Variants in ZNF385D observed in about 807,000 individuals in gnomAD.
The protein encoded by ZNF385D is zinc finger protein 385D, also known as zinc finger protein 659.
A neutral mutation model predicts 35.8 loss-of-function variants in ZNF385D; 15 were observed. The ratio of observed to expected loss-of-function variants is 0.42; its 90% CI spans 0.28 to 0.64. The LOEUF (loss-of-function observed/expected upper bound fraction) is 0.64, where lower values mean the gene tolerates loss of function less well. ZNF385D is among the 30% of genes least tolerant of loss of function. The pLI is 0.23. For synonymous variants in ZNF385D, 212 were observed against 186.8 expected, an observed-to-expected ratio of 1.13 and a Z score of -1.10; for missense variants, 474 against 494.6, an observed-to-expected ratio of 0.96 and a Z score of 0.39.
intron 3 of ZNF385D, among the ~76,000 whole-genome samples, chr3:22,030,256 C>CATATATATATATATATATATAT (rs71044967): frequency 9.2e-5 from 2 of 21,738 alleles, no homozygotes; most frequent in African/African-American, 1.6e-4. Context: ...TAAACTCATT[C>CATATATATATATATATATATAT]ATATATATAT....
At chr3:22,040,478 A>C (rs1215425692) in intron 3 of ZNF385D, among the ~76,000 whole-genome samples, 1 of 152,154 alleles carries the variant, frequency 6.6e-6, no homozygotes, top group Non-Finnish European at 1.5e-5. Flanking sequence ...TACAGTCCTG[A>C]TGGGTGATAG....
chr3:21,711,378 T>C (rs907400950), intron 1 of ZNF385D, among the ~76,000 whole-genome samples: 17 of 152,156 alleles, frequency 1.1e-4, no homozygotes, highest in African/African-American at 3.6e-4. Context: ...GTAATCTTTT[T>C]CCCCTAAATT....
At chr3:21,740,199 A>T (rs2069443819) in intron 1 of ZNF385D, among the ~76,000 whole-genome samples, 2 of 152,202 alleles carry the variant, frequency 1.3e-5, no homozygotes, top group Non-Finnish European at 2.9e-5. Context: ...AATAGAAATA[A>T]GTATACTAAG....
At chr3:22,212,167 G>C (rs1184716482) in intron 2 of ZNF385D, among the ~76,000 whole-genome samples, 1 of 151,936 alleles carries the variant, frequency 6.6e-6, no homozygotes, top group Non-Finnish European at 1.5e-5. Flanking sequence ...ATTCCCAGAA[G>C]AGTGCAAAGG....
At chr3:21,865,531 T>C (rs938084908) in intron 3 of ZNF385D, among the ~76,000 whole-genome samples, 3 of 152,160 alleles carry the variant, frequency 2.0e-5, no homozygotes, top group Admixed American at 2.0e-4. Flanking sequence ...AGATCTTCCT[T>C]AACTATATTG....
At chr3:22,301,628 GA>G (rs1171940094) in intron 2 of ZNF385D, among the ~76,000 whole-genome samples, 2 of 151,888 alleles carry the variant, frequency 1.3e-5, no homozygotes, top group African/African-American at 2.4e-5. Flanking sequence ...AAACGGTAAA[GA>G]AAAAAGTCTA....
intron 2 of ZNF385D, among the ~76,000 whole-genome samples, chr3:22,204,341 G>T (rs1171729576): frequency 1.3e-5 from 2 of 152,000 alleles, no homozygotes; most frequent in Non-Finnish European, 2.9e-5. Flanking sequence ...GAACTTGTAT[G>T]ATAAAAGACA....
rs566864945 is a variant in ZNF385D, at chr3:22,263,785, G to T, written c.107-94750C>A. Among the ~76,000 whole-genome samples the T allele has an allele frequency of 2.6e-5, 4 of 152,054 alleles. No individual in the cohort carries two copies. The East Asian group carries it at 7.8e-4, about 30-fold the overall frequency. ...GTAATGTTTGGATACATTTTTTATT[G>T]TGACAACTGAGGGAGGGGTGCTCCT... On this transcript the variant is annotated intron_variant, in intron 2 of 5. Transcript: ENST00000494108.
intron 3 of ZNF385D, among the ~76,000 whole-genome samples, chr3:21,942,377 A>G (rs1701564787): frequency 6.6e-6 from 1 of 152,214 alleles, no homozygotes; most frequent in Non-Finnish European, 1.5e-5. Flanking sequence ...CTAGTGAGTC[A>G]TCCTTCCTTA....
chr3:21,959,623 A>G (rs1842308), intron 3 of ZNF385D, among the ~76,000 whole-genome samples: 103,953 of 152,064 alleles, frequency 0.68, 36,700 homozygotes, highest in Non-Finnish European at 0.77. Context: ...CAAGGAGCCT[A>G]GTCACCATGG....
At chr3:22,328,942 T>C (rs1694803683) in intron 2 of ZNF385D, among the ~76,000 whole-genome samples, 1 of 151,758 alleles carries the variant, frequency 6.6e-6, no homozygotes, top group East Asian at 1.9e-4. Context: ...CTGGGCGTGG[T>C]AGCGGGCGCC....
chr3:21,785,363 T>C (rs1469669891), intron 3 of ZNF385D, among the ~76,000 whole-genome samples: 1 of 152,180 alleles, frequency 6.6e-6, no homozygotes, highest in East Asian at 1.9e-4. Flanking sequence ...TTTCCTACAG[T>C]TACCATCATT....
chr3:21,872,795 T>C (rs1042397049), intron 3 of ZNF385D, among the ~76,000 whole-genome samples: 3 of 152,154 alleles, frequency 2.0e-5, no homozygotes, highest in Non-Finnish European at 2.9e-5. Context: ...CAATGCTGTT[T>C]TGATAACACA....
intron 3 of ZNF385D, among the ~76,000 whole-genome samples, chr3:21,768,754 A>G (rs2070944461): frequency 6.6e-6 from 1 of 151,988 alleles, no homozygotes; most frequent in Non-Finnish European, 1.5e-5. Flanking sequence ...ACTTCCCTCC[A>G]TTGTTACGAA....
chr3:22,083,132 C>A (rs1279187394), intron 3 of ZNF385D, among the ~76,000 whole-genome samples: 3 of 152,144 alleles, frequency 2.0e-5, no homozygotes, highest in Non-Finnish European at 4.4e-5. Flanking sequence ...GAAACCAGAG[C>A]AGAAAATCTG....
At chr3:21,913,900 GT>G (rs1700077987) in intron 3 of ZNF385D, among the ~76,000 whole-genome samples, 1 of 152,156 alleles carries the variant, frequency 6.6e-6, no homozygotes, top group African/African-American at 2.4e-5. Context: ...TTGTTGGTTG[GT>G]TATTTTTGTT....
At chr3:21,563,459 A>C (rs917557943) in intron 3 of ZNF385D, 2 of 152,200 alleles carry the variant, frequency 1.3e-5, no homozygotes, top group Non-Finnish European at 2.9e-5. Flanking sequence ...TGATGATTGC[A>C]TTAGTAAGTA....
rs1484917960 is a variant in ZNF385D at position 21,960,820 on chromosome 3, T to G, written c.325+207997A>C. 2.1e-4 allele frequency among the ~76,000 whole-genome samples: 32 copies of G among 152,190 alleles called. 1 individual carries two copies. The stretch of plus-strand genomic sequence containing the variant: ...AGGATATCATATTAAGTGAAATAAG[T>G]CAGGCACAGAAATAAATACTGTATG... On this transcript the variant is annotated intron_variant, in intron 3 of 5. Coordinates refer to the ZNF385D transcript ENST00000494108.
chr3:21,526,860 C>T (rs186349677), intron 3 of ZNF385D, among the ~76,000 whole-genome samples: 3 of 152,278 alleles, frequency 2.0e-5, no homozygotes, highest in East Asian at 3.9e-4. Flanking sequence ...CTGACGCGAT[C>T]GTTCTTAACT....
Sources: gnomAD v4.1 joint callset for allele counts (sites outside exome capture counted in the v4.1 genomes callset) on GRCh38, gnomAD v4.1.1 for gene constraint, MANE v1.5 for transcripts, NCBI Gene and HGNC (gene_info 2026-07-23, HGNC 2026-07-21) for gene names.